PM20D2: variants seen among roughly 807,000 people sequenced by gnomAD.
The protein encoded by PM20D2 is xaa-Arg dipeptidase.
Under a neutral mutation model 42.9 loss-of-function variants are expected in PM20D2, and 33 were observed. That is an observed-to-expected ratio of 0.77 (90% confidence interval 0.58 to 1.03). PM20D2 has a LOEUF of 1.03. Among genes scored for constraint, PM20D2 ranks in the 50% least tolerant of loss-of-function variants. The pLI, the probability that PM20D2 is intolerant of heterozygous loss-of-function variation, is 0.00. For synonymous variants in PM20D2, 250 were observed against 228.2 expected, an observed-to-expected ratio of 1.10 and a Z score of -0.86; for missense variants, 548 against 557.0, an observed-to-expected ratio of 0.98 and a Z score of 0.16.
chr6:89,155,191 A>C (rs1207317919), intron 4 of PM20D2, among the ~76,000 whole-genome samples: 2 of 149,120 alleles, frequency 1.3e-5, no homozygotes, highest in African/African-American at 4.9e-5. Context: ...CCTTGTCGGC[A>C]GTTATACTTT....
At chr6:89,100,255 T>G in the PM20D2 span, among the ~76,000 whole-genome samples, 1 of 152,100 alleles carries the variant, frequency 6.6e-6, no homozygotes, top group African/African-American at 2.4e-5. Flanking sequence ...AGACACACAG[T>G]GCTGAGAGAG....
At chr6:89,134,577 C>T in the PM20D2 span, among the ~76,000 whole-genome samples, 34 of 151,158 alleles carry the variant, frequency 2.2e-4, 1 homozygote, top group African/African-American at 7.9e-4. Flanking sequence ...AGAATGGATT[C>T]CCCATTTTCT....
chr6:89,132,235 G>C, the PM20D2 span, among the ~76,000 whole-genome samples: 1 of 152,202 alleles, frequency 6.6e-6, no homozygotes. Flanking sequence ...ACTTCATAGA[G>C]AGCTTATGCA....
chr6:89,118,029 CCGCAGAGGCCGG>C, the PM20D2 span: 17 of 769,016 alleles, frequency 2.2e-5, no homozygotes, highest in East Asian at 4.4e-5. Flanking sequence ...CAGCGCGCAG[CCGCAGAGGCCGG>C]CGCAGAGGGG....
At chr6:89,102,332 T>C in the PM20D2 span, among the ~76,000 whole-genome samples, 5 of 152,060 alleles carry the variant, frequency 3.3e-5, no homozygotes, top group Non-Finnish European at 7.4e-5. Context: ...TTAGTAGAGA[T>C]GGGGTTTCGC....
rs780378876 is a variant in PM20D2, at chr6:89,154,852, A to G, written c.862A>G (p.Lys288Glu). The change falls in exon 4 of 7, where the codon AAA becomes GAA. Residue 288 changes from lysine (K) to glutamate (E), a missense_variant. Coordinates refer to ENST00000275072, the MANE Select transcript of PM20D2 (RefSeq NM_001010853.3). ...PSMKELQVLT[K>E]KAEDCFRAAA... Reference sequence around the variant, plus strand: ...AATGAAAGAACTTCAAGTTTTGACCAAAAAGGCAGAAGATTGCTTCAGAGC... The same window carrying G: ...AATGAAAGAACTTCAAGTTTTGACCGAAAAGGCAGAAGATTGCTTCAGAGC... The G allele has an allele frequency of 1.9e-6, 3 of 1,608,594 alleles. No individual in the cohort carries two copies. The highest frequency in any genetic ancestry group is 3.4e-5 in the Admixed American group (2 of 58,970).
the PM20D2 span, among the ~76,000 whole-genome samples, chr6:89,119,671 A>G: frequency 9.2e-5 from 14 of 152,336 alleles, no homozygotes; most frequent in Non-Finnish European, 1.8e-4. Flanking sequence ...CCGCAGGGCC[A>G]TCATCTATCT....
chr6:89,123,991 C>T, the PM20D2 span, among the ~76,000 whole-genome samples: 3 of 151,976 alleles, frequency 2.0e-5, no homozygotes, highest in Non-Finnish European at 4.4e-5. Flanking sequence ...GAGCTGTGTT[C>T]GTGCCACTGC....
chr6:89,146,282 G>C lies in PM20D2; in HGVS notation c.138G>C (p.Trp46Cys). The change falls in exon 1 of 7, where the codon TGG becomes TGC. Residue 46 changes from tryptophan (W) to cysteine (C), a missense_variant. Transcript: ENST00000275072. ...ERLGALSRAIWSQPELAYEEH... is the reference protein window; with the variant it reads ...ERLGALSRAICSQPELAYEEH... Reference sequence around the variant, plus strand: ...TGGGGGCCCTGAGCCGCGCGATCTGGAGCCAGCCCGAGCTGGCCTACGAGG... The same window carrying C: ...TGGGGGCCCTGAGCCGCGCGATCTGCAGCCAGCCCGAGCTGGCCTACGAGG... 1 of 1,581,260 alleles carries C rather than the reference G, an allele frequency of 6.3e-7. No individual in the cohort carries two copies.
At chr6:89,138,868 A>AAAAT in the PM20D2 span, among the ~76,000 whole-genome samples, 6 of 152,240 alleles carry the variant, frequency 3.9e-5, no homozygotes, top group East Asian at 3.9e-4. Flanking sequence ...CTGTCTTAGA[A>AAAAT]AAATAAATAA....
intron 2 of PM20D2, among the ~76,000 whole-genome samples, chr6:89,152,599 G>T (rs1220804904): frequency 6.6e-6 from 1 of 152,146 alleles, no homozygotes; most frequent in Non-Finnish European, 1.5e-5. Context: ...TTCAGAGGTT[G>T]TCTTAACCCA....
chr6:89,114,742 C>T, the PM20D2 span, among the ~76,000 whole-genome samples: 1 of 152,166 alleles, frequency 6.6e-6, no homozygotes, highest in East Asian at 1.9e-4. Context: ...GCCTGCATGA[C>T]GTTTAAACAT....
chr6:89,111,087 G>A, the PM20D2 span, among the ~76,000 whole-genome samples: 2 of 151,970 alleles, frequency 1.3e-5, no homozygotes. Flanking sequence ...ACTCCAGTCT[G>A]GGAAGACAGG....
chr6:89,136,707 A>G, the PM20D2 span, among the ~76,000 whole-genome samples: 9 of 151,228 alleles, frequency 6.0e-5, 1 homozygote, highest in African/African-American at 2.2e-4. Context: ...CAGATACACT[A>G]TATATACCTT....
chr6:89,153,802 A>C (rs780120611), intron 3 of PM20D2, among the ~76,000 whole-genome samples: 2 of 152,106 alleles, frequency 1.3e-5, no homozygotes, highest in African/African-American at 4.8e-5. Context: ...GGGTCTTGCT[A>C]TGTTGGCCAG....
At chr6:89,122,387 A>C in the PM20D2 span, among the ~76,000 whole-genome samples, 1 of 152,228 alleles carries the variant, frequency 6.6e-6, no homozygotes, top group Non-Finnish European at 1.5e-5. Flanking sequence ...ATGGATAATC[A>C]AGAAGTTGAG....
At chr6:89,156,508 T>C (rs1309250627) in intron 4 of PM20D2, among the ~76,000 whole-genome samples, 1 of 152,246 alleles carries the variant, frequency 6.6e-6, no homozygotes, top group Non-Finnish European at 1.5e-5. Context: ...TTTTTTTCTG[T>C]TCTTATTAGT....
the PM20D2 span, chr6:89,105,752 AAAAC>A: frequency 3.3e-6 from 1 of 306,576 alleles, no homozygotes; most frequent in African/African-American, 2.2e-5. Flanking sequence ...TAAAAAGAAC[AAAAC>A]AAACATGTAA....
At chr6:89,142,291 C>T (rs994599007), upstream of PM20D2, among the ~76,000 whole-genome samples, 2 of 152,134 alleles carry the variant, frequency 1.3e-5, no homozygotes, top group Non-Finnish European at 2.9e-5. Flanking sequence ...CTATCTAGTG[C>T]GTGTTACGTG....
Sources: allele counts gnomAD v4.1 joint callset (sites outside exome capture counted in the v4.1 genomes callset), GRCh38; gene constraint gnomAD v4.1.1; transcripts MANE v1.5; gene names NCBI Gene and HGNC (gene_info 2026-07-23, HGNC 2026-07-21).